Variants in CP observed in about 807,000 individuals in gnomAD.
CP encodes the protein caeruloplasmin.
A neutral mutation model predicts 122.4 loss-of-function variants in CP; 64 were observed. The ratio of observed to expected loss-of-function variants is 0.52; its 90% confidence interval spans 0.43 to 0.64. CP has a LOEUF of 0.64. Ranked by LOEUF, CP falls within the 30% of genes least tolerant of loss-of-function variation. The pLI is 0.00. For missense variants in CP, 1,167 were observed against 1,284.4 expected (o/e 0.91, Z 1.40); for synonymous variants, 440 against 436.4 (o/e 1.01, Z -0.10).
chr3:149,166,300 T>A (rs1724407742), intron 4 of CP, among the ~76,000 whole-genome samples: 2 of 152,246 alleles, frequency 1.3e-5, no homozygotes, highest in Non-Finnish European at 2.9e-5. Flanking sequence ...TTATTAAGTG[T>A]TAAATTTTAT....
At chr3:149,190,656 T>TAAAAAAAAA (rs146345788) in intron 9 of CP, among the ~76,000 whole-genome samples, 1 of 64,116 alleles carries the variant, frequency 1.6e-5, no homozygotes, top group African/African-American at 4.6e-5. Context: ...AGACTCTGTC[T>TAAAAAAAAA]AAAAAAAAAA....
intron 9 of CP, among the ~76,000 whole-genome samples, chr3:149,195,642 A>T (rs943954401): frequency 6.6e-6 from 1 of 152,210 alleles, no homozygotes; most frequent in Non-Finnish European, 1.5e-5. Context: ...AGGCAGGCGG[A>T]TCACGAGGTT....
chr3:149,171,442 A>C (rs1391895125), downstream of CP, among the ~76,000 whole-genome samples: 1 of 152,230 alleles, frequency 6.6e-6, no homozygotes, highest in Non-Finnish European at 1.5e-5. Flanking sequence ...TTTATAAATT[A>C]GCTTAGTATA....
rs767411814 is a variant in CP at position 149,209,344 on chromosome 3, T to A, written c.648A>T (p.Glu216Asp). ...CCACCACAGAAAACATCACCACAAATTCTCGGTCAATATGTTTTTCTTTTT... is the reference window on the plus strand; with the variant it reads ...CCACCACAGAAAACATCACCACAAAATCTCGGTCAATATGTTTTTCTTTTT... ...DKEKEKHIDR[E>D]FVVMFSVVDE... The change falls in exon 4 of 19, where the codon GAA becomes GAT. Residue 216 changes from glutamate (E) to aspartate (D), a missense_variant. Glu to Asp is a conservative substitution (Grantham distance 45, BLOSUM62 2). Coordinates refer to ENST00000264613, the MANE Select transcript of CP (RefSeq NM_000096.4). 6.2e-7 allele frequency: 1 copy of A among 1,613,764 alleles called. No individual in the cohort carries two copies. The highest frequency in any genetic ancestry group is 8.5e-7 in the Non-Finnish European group (1 of 1,179,748).
intron 1 of CP, among the ~76,000 whole-genome samples, chr3:149,214,519 T>C (rs1454108964): frequency 6.6e-6 from 1 of 152,202 alleles, no homozygotes; most frequent in Non-Finnish European, 1.5e-5. Flanking sequence ...GTCCATCCCC[T>C]GTCCTGGTGG....
chr3:149,168,556 A>T, downstream of CP: 1 of 152,872 alleles, frequency 6.5e-6, no homozygotes, highest in East Asian at 1.9e-4. Context: ...GGGTATATCA[A>T]TTGCAGAGCA....
Position 149,188,037 on chromosome 3 carries a change from T to G in CP, c.1864+15A>C. On this transcript the variant is annotated intron_variant, in intron 10 of 18. Transcript: ENST00000264613. ...TAAAATAACTTGGTAGATTGGTGGA[T>G]GATGCAGTACTTACAGTGCATTTTA... 5.6e-6 allele frequency: 9 copies of G among 1,611,414 alleles called. No homozygotes were observed. The highest frequency in any genetic ancestry group is 1.3e-5 in the African/African-American group (1 of 74,972).
chr3:149,204,000 C>G (rs949227702), intron 6 of CP, among the ~76,000 whole-genome samples: 1 of 152,094 alleles, frequency 6.6e-6, no homozygotes, highest in Non-Finnish European at 1.5e-5. Context: ...GTGTGTGTAG[C>G]GCAGAGACTA....
rs780326407 is a variant in CP at position 149,217,867 on chromosome 3, G to A, written c.146+3780C>T. On this transcript the variant is annotated intron_variant, in intron 1 of 18. Coordinates refer to ENST00000264613, the MANE Select transcript of CP (RefSeq NM_000096.4). ...CATAATTATAGTAATTATGATTACC[G>A]TAAGGTGGAATGTTCTTTGTTGTCT... is the stretch of plus-strand genomic sequence containing the variant. The A allele has an allele frequency of 6.7e-5, 30 of 445,022 alleles. 2 individuals carry two copies. Among genetic ancestry groups the A allele is most frequent in the South Asian group, 3.8e-4 (23 of 60,906 alleles). The allele number at this position is 445,022 out of a possible 1,614,324, so 27.6% of individuals were successfully genotyped here.
At position 149,186,606 on chromosome 3, in the gene CP, G is replaced by A. The variant is rs143306097; in HGVS notation, c.1991C>T (p.Thr664Ile). 7 of 1,614,040 alleles carry A rather than the reference G, an allele frequency of 4.3e-6. No homozygotes were observed. The African/African-American group carries it at 5.3e-5, about 12-fold the overall frequency. The change falls in exon 11 of 19, where the codon ACA becomes ATA. Residue 664 changes from threonine (T) to isoleucine (I), a missense_variant. Thr to Ile is a moderately conservative substitution (Grantham distance 89, BLOSUM62 -1). Coordinates refer to ENST00000264613, the MANE Select transcript of CP (RefSeq NM_000096.4). ...TCTCCGTTCTCCTCTCCACAGATATGTGTTTCCTGAAAAGTATATTCCATG... is the reference window on the plus strand; with the variant it reads ...TCTCCGTTCTCCTCTCCACAGATATATGTTTCCTGAAAAGTATATTCCATG... Reference protein sequence around the residue: ...DVHGIYFSGNTYLWRGERRDT... With the variant: ...DVHGIYFSGNIYLWRGERRDT...
intron 13 of CP, 77 bp downstream of exon 13, chr3:149,183,389 T>C: frequency 6.7e-7 from 1 of 1,483,334 alleles, no homozygotes. Flanking sequence ...ATGAAACCCA[T>C]AGACATGAAT....
At chr3:149,172,147 T>A (rs2108198994), downstream of CP, 3 of 1,613,118 alleles carry the variant, frequency 1.9e-6, no homozygotes, top group Non-Finnish European at 2.5e-6. Context: ...TCATGAATGT[T>A]CTCCCAGAAG....
downstream of CP, chr3:149,167,842 C>A (rs898020394): frequency 9.6e-7 from 1 of 1,041,780 alleles, no homozygotes; most frequent in Middle Eastern, 2.0e-4. Context: ...CCTTTGAAAT[C>A]TGAGAATAAA....
chr3:149,178,035 A>C lies in CP; in HGVS notation c.2879-56T>G, dbSNP rs767430699. ...TTCAGGATATTTTAAACCAATAGCT[A>C]TTTCAAAGAAAATATGATTATTAGG... On this transcript the variant is annotated intron_variant, in intron 16 of 18. Coordinates refer to ENST00000264613, the MANE Select transcript of CP (RefSeq NM_000096.4). 3.4e-6 allele frequency: 5 copies of C among 1,475,530 alleles called. No homozygotes were observed. In the East Asian group the frequency reaches 9.0e-5, roughly 27 times the overall value. 91.4% of individuals were successfully genotyped at this position (1,475,530 alleles called of 1,614,324 possible). A position where few individuals can be genotyped will look rare whatever the true frequency, so the allele number is the denominator to read the frequency against.
Position 149,198,341 on chromosome 3 carries a change from A to AT in CP, c.1713+25dup, listed in dbSNP as rs533310060. 1,730 of 1,547,506 alleles carry AT rather than the reference A, an allele frequency of 1.1e-3. 4 individuals are homozygous for AT. Among genetic ancestry groups the AT allele is most frequent in the Middle Eastern group, 1.0e-3 (6 of 5,936 alleles). ...TGATCATTTTCAAAGAGATTGAACAATTTTTTTTTCCCCAGTTGGACTTAC... is the reference window on the plus strand; with the variant it reads ...TGATCATTTTCAAAGAGATTGAACAATTTTTTTTTTCCCCAGTTGGACTTAC... On this transcript the variant is annotated intron_variant, in intron 9 of 18. Transcript: ENST00000264613.
chr3:149,208,602 T>C (rs550248612), intron 4 of CP, among the ~76,000 whole-genome samples: 55 of 152,174 alleles, frequency 3.6e-4, no homozygotes, highest in Non-Finnish European at 6.0e-4. Context: ...ATTGGTCTAG[T>C]TGTTGTTAAG....
chr3:149,172,052 A>G (rs940184044), downstream of CP: 3 of 1,601,922 alleles, frequency 1.9e-6, no homozygotes, highest in South Asian at 1.1e-5. Flanking sequence ...ATTGAATGAA[A>G]GACAGACTTT....
chr3:149,199,959 A>G, intron 7 of CP, 95 bp from the exon 8 acceptor site: 2 of 1,298,432 alleles, frequency 1.5e-6, no homozygotes, highest in Admixed American at 1.8e-5. Context: ...TCTGGCAAGA[A>G]CTACTAGGAG....
chr3:149,206,414 C>T lies in CP; in HGVS notation c.1037-75G>A, dbSNP rs3765125. 5.1e-4 allele frequency: 782 copies of T among 1,528,596 alleles called. 11 individuals are homozygous for T. In the East Asian group the frequency reaches 0.016, roughly 31 times the overall value. 94.7% of individuals were successfully genotyped at this position (1,528,596 alleles called of 1,614,324 possible). ...CTCCTATTGCCCTGTAAACACTGCT[C>T]GGGTGATGACAAGTAGAAATTGAAG... is the stretch of plus-strand genomic sequence containing the variant. On this transcript the variant is annotated intron_variant, in intron 5 of 18. Transcript: ENST00000264613.
Sources: gnomAD v4.1 joint callset for allele counts (sites outside exome capture counted in the v4.1 genomes callset) on GRCh38, gnomAD v4.1.1 for gene constraint, MANE v1.5 for transcripts, NCBI Gene and HGNC (gene_info 2026-07-23, HGNC 2026-07-21) for gene names.